Variants in FAM149B1 observed in about 807,000 individuals in gnomAD.
FAM149B1 encodes the protein family with sequence similarity 149 member B1, also known as primary cilium assembly protein FAM149B1.
In FAM149B1, 56 loss-of-function variants were observed where a neutral mutation model predicts 75.3. The observed-to-expected ratio is 0.74, with a 90% CI of 0.60 to 0.93. The LOEUF (loss-of-function observed/expected upper bound fraction) is 0.93. FAM149B1 is among the 40% of genes least tolerant of loss of function. FAM149B1 has a pLI of 0.00. For missense variants in FAM149B1, 639 were observed against 708.4 expected (o/e 0.90, Z 1.11); for synonymous variants, 259 against 256.1 (o/e 1.01, Z -0.11).
chr10:73,212,764 A>G (rs1174830191), intron 7 of FAM149B1, among the ~76,000 whole-genome samples: 1 of 149,964 alleles, frequency 6.7e-6, no homozygotes, highest in Non-Finnish European at 1.5e-5. Context: ...CCTTGCCAAC[A>G]TCAGTCGTTT....
At chr10:73,219,566 G>C (rs901018351) in intron 7 of FAM149B1, among the ~76,000 whole-genome samples, 1 of 152,182 alleles carries the variant, frequency 6.6e-6, no homozygotes, top group African/African-American at 2.4e-5. Flanking sequence ...CAGACAAATA[G>C]ATCAATGGAA....
intron 1 of FAM149B1, among the ~76,000 whole-genome samples, chr10:73,171,487 C>T (rs1385314411): frequency 6.6e-6 from 1 of 152,090 alleles, no homozygotes; most frequent in Non-Finnish European, 1.5e-5. Context: ...GAATGATTTT[C>T]AACATACAGC....
Position 73,243,932 on chromosome 10 carries a change from G to A in FAM149B1, c.*2913G>A. Reference sequence around the variant, plus strand: ...GCTTCTTTGGCCTCTTCCTGAGCCTGAAACAGGAACTCACATGAGACTCAG... The same window carrying A: ...GCTTCTTTGGCCTCTTCCTGAGCCTAAAACAGGAACTCACATGAGACTCAG... On this transcript the variant is annotated 3_prime_UTR_variant, in exon 14 of 14. Coordinates refer to ENST00000242505, the MANE Select transcript of FAM149B1 (RefSeq NM_173348.2). 1 of 1,613,652 alleles carries A rather than the reference G, an allele frequency of 6.2e-7. No homozygotes were observed. Among genetic ancestry groups the A allele is most frequent in the Non-Finnish European group, 8.5e-7 (1 of 1,179,852 alleles).
At chr10:73,188,753 GGAGGGAAGGAAGGAAGGAAGGAA>G (rs2042598147) in intron 3 of FAM149B1, among the ~76,000 whole-genome samples, 2 of 107,698 alleles carry the variant, frequency 1.9e-5, no homozygotes, top group Non-Finnish European at 3.8e-5. Flanking sequence ...AAGGAAGGAA[GGAGGGAAGGAAGGAAGGAAGGAA>G]GGAAGGAAGG....
chr10:73,221,153 C>T (rs1196594712), intron 7 of FAM149B1, among the ~76,000 whole-genome samples: 9 of 151,992 alleles, frequency 5.9e-5, no homozygotes, highest in Non-Finnish European at 1.2e-4. Flanking sequence ...TGTTTCTTTT[C>T]GGAGTGATAG....
In FAM149B1 at chr10:73,168,536, C is replaced by G; in HGVS notation, c.47+150C>G. 5 of 922,260 alleles carry G rather than the reference C, an allele frequency of 5.4e-6. No individual in the cohort carries two copies. In the South Asian group the frequency reaches 7.3e-5, roughly 13 times the overall value. The allele number at this position is 922,260 out of a possible 1,614,324, so 57.1% of individuals were successfully genotyped here. A position where few individuals can be genotyped will look rare whatever the true frequency, so the allele number is the denominator to read the frequency against. ...CCTCTCAGCCCTGCTGGACCCTGCC[C>G]CTTCTTCCTCCATCTCCAGCTGAGG... On this transcript the variant is annotated intron_variant, in intron 1 of 13. Transcript: ENST00000242505.
Position 73,174,708 on chromosome 10 carries a change from T to C in FAM149B1, c.69T>C (p.Ala23=), listed in dbSNP as rs752461192. The change falls in exon 2 of 14, where the codon GCT becomes GCC. Residue 23 remains alanine (A), a synonymous_variant. Coordinates refer to ENST00000242505, the MANE Select transcript of FAM149B1 (RefSeq NM_173348.2). ...SLELKGITKH[A]LNHHPPPEKL... is the part of the protein sequence containing the mutation. ...ACAGGAAAGGAATAACAAAACATGCTCTTAACCATCATCCCCCTCCAGAGA... is the reference window on the plus strand; with the variant it reads ...ACAGGAAAGGAATAACAAAACATGCCCTTAACCATCATCCCCCTCCAGAGA... 1.6e-5 allele frequency: 25 copies of C among 1,551,012 alleles called. No individual in the cohort carries two copies. In the South Asian group the frequency reaches 2.7e-4, roughly 17 times the overall value.
intron 10 of FAM149B1, 104 bp from the exon 11 acceptor site, chr10:73,234,713 C>T: frequency 8.1e-7 from 1 of 1,228,738 alleles, no homozygotes; most frequent in Non-Finnish European, 1.1e-6. Context: ...GCTTTCTGTG[C>T]ACATTAAACT....
intron 2 of FAM149B1, 49 bp from the exon 3 acceptor site, chr10:73,177,797 A>G (rs1038080050): frequency 3.3e-6 from 5 of 1,535,050 alleles, no homozygotes; most frequent in East Asian, 2.5e-5. Context: ...ACTTGAGGAC[A>G]TATGAAAAAT....
intron 7 of FAM149B1, among the ~76,000 whole-genome samples, chr10:73,223,603 A>G (rs2043467475): frequency 6.6e-6 from 1 of 152,208 alleles, no homozygotes; most frequent in African/African-American, 2.4e-5. Flanking sequence ...AAAATTTTCA[A>G]AGTGGTTATA....
chr10:73,190,262 C>T (rs1235583156), intron 3 of FAM149B1, among the ~76,000 whole-genome samples: 2 of 149,164 alleles, frequency 1.3e-5, no homozygotes, highest in Non-Finnish European at 3.0e-5. Flanking sequence ...TTTTTAGACC[C>T]GAAGAAAGAC....
chr10:73,228,441 G>A (rs2043607486), intron 8 of FAM149B1, among the ~76,000 whole-genome samples: 1 of 152,150 alleles, frequency 6.6e-6, no homozygotes, highest in Non-Finnish European at 1.5e-5. Context: ...CAACCATGTG[G>A]TCAGCCTAAG....
At chr10:73,209,715 T>C (rs2043146093) in intron 6 of FAM149B1, among the ~76,000 whole-genome samples, 1 of 152,236 alleles carries the variant, frequency 6.6e-6, no homozygotes, top group Non-Finnish European at 1.5e-5. Context: ...TATTCCTTGC[T>C]ACCTTTCTGT....
intron 5 of FAM149B1, chr10:73,200,806 C>T (rs1274569786): frequency 2.0e-6 from 1 of 489,508 alleles, no homozygotes; most frequent in African/African-American, 2.0e-5. Context: ...TACTTTGTGA[C>T]TTGTACAAGG....
chr10:73,203,392 A>G (rs1218718636), intron 5 of FAM149B1, among the ~76,000 whole-genome samples: 1 of 152,154 alleles, frequency 6.6e-6, no homozygotes, highest in Non-Finnish European at 1.5e-5. Context: ...GAAGGAGAGA[A>G]TGGATATTGA....
At chr10:73,207,255 C>T (rs1349294873) in intron 5 of FAM149B1, among the ~76,000 whole-genome samples, 1 of 152,140 alleles carries the variant, frequency 6.6e-6, no homozygotes, top group African/African-American at 2.4e-5. Context: ...ACCTTGCACC[C>T]TGTACCTAGA....
chr10:73,186,685 C>T (rs118164768), intron 3 of FAM149B1, among the ~76,000 whole-genome samples: 9 of 152,218 alleles, frequency 5.9e-5, no homozygotes, highest in Admixed American at 1.3e-4. Flanking sequence ...TCATACAATG[C>T]GATTATTATT....
At chr10:73,186,057 A>G (rs1280293654) in intron 3 of FAM149B1, among the ~76,000 whole-genome samples, 3 of 152,172 alleles carry the variant, frequency 2.0e-5, no homozygotes, top group Non-Finnish European at 4.4e-5. Flanking sequence ...AACCAAATCT[A>G]GTCACATAAA....
At chr10:73,235,560 G>C in intron 12 of FAM149B1, 2 of 780,594 alleles carry the variant, frequency 2.6e-6, no homozygotes, top group South Asian at 3.9e-5. Context: ...CTTAAGATAT[G>C]TCTGACCACA....
Sources: allele counts gnomAD v4.1 joint callset (sites outside exome capture counted in the v4.1 genomes callset), GRCh38; gene constraint gnomAD v4.1.1; transcripts MANE v1.5; gene names NCBI Gene and HGNC (gene_info 2026-07-23, HGNC 2026-07-21).